COL8A1: variants seen among roughly 807,000 people sequenced by gnomAD.
COL8A1 encodes the protein collagen alpha-1(VIII) chain.
In COL8A1, 21 loss-of-function variants were observed where a neutral mutation model predicts 42.7. That is an observed-to-expected ratio of 0.49 (90% CI 0.35 to 0.71). The LOEUF is 0.71. COL8A1 is among the 30% of genes least tolerant of loss of function. COL8A1 has a pLI of 0.01. For synonymous variants in COL8A1, 367 were observed against 369.1 expected, an observed-to-expected ratio of 0.99 and a Z score of 0.06; for missense variants, 788 against 962.4, an observed-to-expected ratio of 0.82 and a Z score of 2.40.
chr3:99,670,482 T>A (rs1938509523), intron 1 of COL8A1, among the ~76,000 whole-genome samples: 1 of 152,084 alleles, frequency 6.6e-6, no homozygotes, highest in South Asian at 2.1e-4. Context: ...ATTATTAATA[T>A]TAGTTTTGAT....
chr3:99,712,637 A>T (rs1192099560), intron 1 of COL8A1, among the ~76,000 whole-genome samples: 1 of 152,160 alleles, frequency 6.6e-6, no homozygotes, highest in Non-Finnish European at 1.5e-5. Flanking sequence ...TTTTCCAGAA[A>T]CAAGGTGAAT....
chr3:99,739,934 A>G (rs894975946), intron 1 of COL8A1, among the ~76,000 whole-genome samples: 5 of 152,122 alleles, frequency 3.3e-5, no homozygotes, highest in African/African-American at 1.2e-4. Flanking sequence ...CCAAATCTTT[A>G]TCCTCTGCTT....
intron 1 of COL8A1, among the ~76,000 whole-genome samples, chr3:99,664,784 A>G (rs80274902): frequency 0.06 from 9,093 of 152,286 alleles, 346 homozygotes; most frequent in African/African-American, 0.096. Context: ...TCTTAATTGC[A>G]TAGTATCAAC....
chr3:99,678,196 A>G (rs1163476669), intron 1 of COL8A1: 1 of 152,004 alleles, frequency 6.6e-6, no homozygotes, highest in African/African-American at 2.4e-5. Flanking sequence ...ACCCTTTAAC[A>G]TGCGGGTGAG....
rs1451583065 is a variant in COL8A1 at position 99,643,221 on chromosome 3, C to CTT, written c.-129+4558_-129+4559insTT. The stretch of plus-strand genomic sequence containing the variant: ...TGAATCTAAGGTGTCTTTGACTATG[C>CTT]TGAGCATTCCGTAGGCACTTAACAT... On this transcript the variant is annotated intron_variant, in intron 1 of 3. Coordinates refer to ENST00000652472, the MANE Select transcript of COL8A1 (RefSeq NM_020351.4). 2.0e-5 allele frequency among the ~76,000 whole-genome samples: 3 copies of CTT among 152,298 alleles called. No homozygotes were observed. The East Asian group carries it at 5.8e-4, about 29-fold the overall frequency.
At chr3:99,785,328 AG>A (rs1208151059) in intron 2 of COL8A1, among the ~76,000 whole-genome samples, 1 of 152,230 alleles carries the variant, frequency 6.6e-6, no homozygotes, top group Non-Finnish European at 1.5e-5. Flanking sequence ...TTTGATGATG[AG>A]GATCCATCAG....
rs1942065343 is a variant in COL8A1, at chr3:99,794,556, C to A, written c.655C>A (p.Pro219Thr). ...KPGGPGLPGQ[P>T]GPKGDRGPKG... ...AGGTGGGCCAGGGTTACCAGGGCAA[C>A]CAGGACCAAAGGGTGATCGAGGACC... Residue 219 changes from proline to threonine, a missense_variant, in exon 4 of 4, where the codon CCA becomes ACA. Pro to Thr is a conservative substitution (Grantham distance 38). Transcript: ENST00000652472. This position sits in a 1 kb window ranked among gnomAD's most constrained non-coding sequence, Gnocchi z 4.3. 1 of 1,613,790 alleles carries A rather than the reference C, an allele frequency of 6.2e-7. No homozygotes were observed. Among genetic ancestry groups the A allele is most frequent in the Non-Finnish European group, 8.5e-7 (1 of 1,179,886 alleles).
At chr3:99,736,616 T>C (rs1940726209) in intron 1 of COL8A1, among the ~76,000 whole-genome samples, 1 of 152,160 alleles carries the variant, frequency 6.6e-6, no homozygotes, top group Admixed American at 6.5e-5. Flanking sequence ...ATAATTTCTG[T>C]TCTTTTACAT....
chr3:99,746,877 T>G (rs1304979834), intron 2 of COL8A1, among the ~76,000 whole-genome samples: 1 of 152,238 alleles, frequency 6.6e-6, no homozygotes. Context: ...GAATTTTGAT[T>G]GAAAAAATAA....
intron 1 of COL8A1, among the ~76,000 whole-genome samples, chr3:99,697,865 G>C (rs889245983): frequency 6.6e-6 from 1 of 152,080 alleles, no homozygotes; most frequent in Non-Finnish European, 1.5e-5. Context: ...TCTGCACAAT[G>C]TGCAGGTTTG....
chr3:99,711,256 C>T (rs910236951), intron 1 of COL8A1, among the ~76,000 whole-genome samples: 1 of 152,024 alleles, frequency 6.6e-6, no homozygotes, highest in Non-Finnish European at 1.5e-5. Context: ...AAACAACAAA[C>T]AAGAGAAAGC....
rs1298034749 is a variant in COL8A1, at chr3:99,795,257, G to A, written c.1356G>A (p.Arg452=). ...GTGAAGTAGGGCCTCCTGGCATGAG[G>A]GGTTTGCCAGGTCCCATAGGGCCCA... is the stretch of plus-strand genomic sequence containing the variant. ...FLGEVGPPGM[R]GLPGPIGPKG... The change falls in exon 4 of 4, where the codon AGG becomes AGA. Residue 452 remains arginine, a synonymous_variant. Transcript: ENST00000652472. 4.3e-6 allele frequency: 7 copies of A among 1,613,222 alleles called. No individual in the cohort carries two copies. The highest frequency in any genetic ancestry group is 5.9e-6 in the Non-Finnish European group (7 of 1,179,570).
At chr3:99,668,665 T>C (rs2107309951) in intron 1 of COL8A1, among the ~76,000 whole-genome samples, 1 of 152,182 alleles carries the variant, frequency 6.6e-6, no homozygotes, top group South Asian at 2.1e-4. Flanking sequence ...AGAACTTGAA[T>C]GAAAAGAAGT....
chr3:99,662,207 C>T (rs930873228), intron 1 of COL8A1, among the ~76,000 whole-genome samples: 2 of 151,960 alleles, frequency 1.3e-5, no homozygotes, highest in Admixed American at 1.3e-4. Context: ...GGTGAAACCC[C>T]ATGGCTACAA....
At chr3:99,649,854 A>G (rs558474690) in intron 1 of COL8A1, among the ~76,000 whole-genome samples, 1 of 152,262 alleles carries the variant, frequency 6.6e-6, no homozygotes, top group African/African-American at 2.4e-5. Flanking sequence ...GCAGCTAAAC[A>G]TGGGGCATAA....
intron 1 of COL8A1, among the ~76,000 whole-genome samples, chr3:99,701,111 C>T (rs1939524335): frequency 6.6e-6 from 1 of 152,198 alleles, no homozygotes; most frequent in African/African-American, 2.4e-5. Flanking sequence ...TCACAGCTCA[C>T]TGAGAGAGCA....
intron 2 of COL8A1, among the ~76,000 whole-genome samples, chr3:99,775,061 G>A (rs923179973): frequency 2.0e-5 from 3 of 152,160 alleles, no homozygotes; most frequent in South Asian, 2.1e-4. Flanking sequence ...CATACACAAC[G>A]ATCCAGCAGG....
At chr3:99,686,869 G>C (rs568294094) in intron 1 of COL8A1, among the ~76,000 whole-genome samples, 1 of 151,888 alleles carries the variant, frequency 6.6e-6, no homozygotes, top group African/African-American at 2.4e-5. Context: ...TTTGGGGGGG[G>C]TTCTGTTTGT....
At chr3:99,656,466 T>C (rs928961284) in intron 1 of COL8A1, among the ~76,000 whole-genome samples, 2 of 150,848 alleles carry the variant, frequency 1.3e-5, no homozygotes, top group African/African-American at 4.9e-5. Flanking sequence ...CACTGGTCAG[T>C]AACTCAATTT....
Sources: allele counts gnomAD v4.1 joint callset (sites outside exome capture counted in the v4.1 genomes callset), GRCh38; gene constraint gnomAD v4.1.1; non-coding constraint Gnocchi (gnomAD v3.1); transcripts MANE v1.5; gene names NCBI Gene and HGNC (gene_info 2026-07-23, HGNC 2026-07-21).